Variants in IGSF3 observed in about 807,000 individuals in gnomAD.
IGSF3 encodes glu-Trp-Ile EWI motif-containing protein 3.
In IGSF3, 23 loss-of-function variants were observed where a neutral mutation model predicts 114.4. The ratio of observed to expected loss-of-function variants is 0.20; its 90% CI spans 0.14 to 0.28. IGSF3 has a LOEUF of 0.28. IGSF3 is among the 10% of genes least tolerant of loss of function. The pLI, the probability that IGSF3 is intolerant of heterozygous loss-of-function variation, is 1.00. For missense variants in IGSF3, 1,172 were observed against 1,591.5 expected (o/e 0.74, Z 4.48); for synonymous variants, 571 against 645.2 (o/e 0.88, Z 1.74).
Position 116,600,465 on chromosome 1 carries a change from C to G in IGSF3, c.1625-120G>C, listed in dbSNP as rs2101430210. The G allele has an allele frequency of 2.7e-6, 2 of 754,184 alleles. No homozygotes were observed. The highest frequency in any genetic ancestry group is 5.1e-5 in the East Asian group (2 of 38,916). 46.7% of individuals were successfully genotyped at this position (754,184 alleles called of 1,614,324 possible). A position where few individuals can be genotyped will look rare whatever the true frequency, so the allele number is the denominator to read the frequency against. ...TGTGGGACAGAGGCTCTCGGAGCCC[C>G]TTTTGAGCTCTCAGGCTAGTGTTGC... On this transcript the variant is annotated intron_variant, in intron 6 of 10. Transcript: ENST00000369486. This position sits in a 1 kb window ranked among gnomAD's most constrained non-coding sequence, Gnocchi z 5.5.
intron 2 of IGSF3, among the ~76,000 whole-genome samples, chr1:116,635,159 A>C (rs1009754775): frequency 8.5e-5 from 13 of 152,198 alleles, no homozygotes; most frequent in Non-Finnish European, 1.6e-4. Context: ...ACCTGCTTCT[A>C]AACAGTAGAA....
At chr1:116,667,281 G>C (rs1390756402) in intron 1 of IGSF3, among the ~76,000 whole-genome samples, 1 of 152,190 alleles carries the variant, frequency 6.6e-6, no homozygotes, top group African/African-American at 2.4e-5. Flanking sequence ...CTCCGCGGTG[G>C]GGCCGCGACT....
At position 116,629,560 on chromosome 1, in the gene IGSF3, G is replaced by A. The variant is rs1291604385; in HGVS notation, c.44-13103C>T. 6.6e-6 allele frequency among the ~76,000 whole-genome samples: 1 copy of A among 152,128 alleles called. No individual in the cohort carries two copies. The highest frequency in any genetic ancestry group is 1.9e-4 in the East Asian group (1 of 5,186). On this transcript the variant is annotated intron_variant, in intron 2 of 10. Transcript: ENST00000369486. The surrounding 1 kb of genome is among the most constrained non-coding windows in gnomAD (Gnocchi z 4.3). ...TTCAGGTTGTGTAAGTGGAGAGGAG[G>A]GAGGTGGCCAAGGAGCCTGAAGTGG... is the stretch of plus-strand genomic sequence containing the variant.
At chr1:116,590,638 T>A in intron 7 of IGSF3, among the ~76,000 whole-genome samples, 1 of 152,228 alleles carries the variant, frequency 6.6e-6, no homozygotes, top group Middle Eastern at 3.4e-3. Flanking sequence ...CTGGTCAGAC[T>A]CTTGTCTCTT....
chr1:116,600,475 C>T lies in IGSF3; in HGVS notation c.1625-130G>A. ...AGGCTCTCGGAGCCCCTTTTGAGCT[C>T]TCAGGCTAGTGTTGCTTTTAGTATC... On this transcript the variant is annotated intron_variant, in intron 6 of 10. Transcript: ENST00000369486. This position sits in a 1 kb window ranked among gnomAD's most constrained non-coding sequence, Gnocchi z 5.5. 1.4e-6 allele frequency: 1 copy of T among 708,250 alleles called. No homozygotes were observed. Among genetic ancestry groups the T allele is most frequent in the Non-Finnish European group, 2.3e-6 (1 of 429,064 alleles). The allele number at this position is 708,250 out of a possible 1,614,324, so 43.9% of individuals were successfully genotyped here.
In IGSF3 at chr1:116,648,585, T is replaced by G. The variant is rs999634453; in HGVS notation, c.43+17699A>C. On this transcript the variant is annotated intron_variant, in intron 2 of 10. Coordinates refer to ENST00000369486, the MANE Select transcript of IGSF3 (RefSeq NM_001007237.3). The surrounding 1 kb of genome is among the most constrained non-coding windows in gnomAD (Gnocchi z 4.7). ...ACACCATGATTCAGCCAGGCAAGAT[T>G]GATGCAACACTGTAACAAAGCGTGT... 1.5e-4 allele frequency among the ~76,000 whole-genome samples: 23 copies of G among 152,202 alleles called. No homozygotes were observed. The highest frequency in any genetic ancestry group is 5.3e-4 in the African/African-American group (22 of 41,456).
rs1659929984 is a variant in IGSF3, at chr1:116,588,074, A to G, written c.2440+620T>C. On this transcript the variant is annotated intron_variant, in intron 8 of 10. Coordinates refer to ENST00000369486, the MANE Select transcript of IGSF3 (RefSeq NM_001007237.3). This position sits in a 1 kb window ranked among gnomAD's most constrained non-coding sequence, Gnocchi z 4.9. ...CAGGAAAGTGAACTTTTTAACAATCAGAGCTGCCCAAAAATGGAACTGAGG... is the reference window on the plus strand; with the variant it reads ...CAGGAAAGTGAACTTTTTAACAATCGGAGCTGCCCAAAAATGGAACTGAGG... 6.6e-6 allele frequency among the ~76,000 whole-genome samples: 1 copy of G among 152,358 alleles called. No individual in the cohort carries two copies. The highest frequency in any genetic ancestry group is 2.4e-5 in the African/African-American group (1 of 41,586).
In IGSF3 at chr1:116,624,233, A is replaced by G. The variant is rs1291150923; in HGVS notation, c.44-7776T>C. ...AAAAAAAAAAAATGGCTCTTGAAACAGCCATCAATTCCCATGTGATAAATG... is the reference window on the plus strand; with the variant it reads ...AAAAAAAAAAAATGGCTCTTGAAACGGCCATCAATTCCCATGTGATAAATG... On this transcript the variant is annotated intron_variant, in intron 2 of 10. Transcript: ENST00000369486. This position sits in a 1 kb window ranked among gnomAD's most constrained non-coding sequence, Gnocchi z 4.9. 1.3e-5 allele frequency among the ~76,000 whole-genome samples: 2 copies of G among 151,798 alleles called. No homozygotes were observed. The highest frequency in any genetic ancestry group is 4.8e-5 in the African/African-American group (2 of 41,308).
At position 116,618,545 on chromosome 1, in the gene IGSF3, A is replaced by G. The variant is rs1248696183; in HGVS notation, c.44-2088T>C. 6.6e-6 allele frequency among the ~76,000 whole-genome samples: 1 copy of G among 152,258 alleles called. No homozygotes were observed. The highest frequency in any genetic ancestry group is 6.5e-5 in the Admixed American group (1 of 15,286). ...GGGGAAATGACTGATATTCAGTAAC[A>G]GTGCTGGGACATTTCATTTTCCATA... On this transcript the variant is annotated intron_variant, in intron 2 of 10. Coordinates refer to ENST00000369486, the MANE Select transcript of IGSF3 (RefSeq NM_001007237.3). The surrounding 1 kb of genome is among the most constrained non-coding windows in gnomAD (Gnocchi z 4.7).
At position 116,616,371 on chromosome 1, in the gene IGSF3, C is replaced by G. The variant is rs772812398; in HGVS notation, c.130G>C (p.Val44Leu). 1.2e-6 allele frequency: 2 copies of G among 1,611,958 alleles called. No homozygotes were observed. The highest frequency in any genetic ancestry group is 3.3e-5 in the Admixed American group (2 of 60,028). ...TCAGAAGGTCCCTGGTAGCCACTCACATTGCACCAGATAGTGATGTGGGAG... is the reference window on the plus strand; with the variant it reads ...TCAGAAGGTCCCTGGTAGCCACTCAGATTGCACCAGATAGTGATGTGGGAG... ...EGSHITIWCN[V>L]SGYQGPSEQN... Residue 44 changes from valine (V) to leucine (L), a missense_variant, in exon 3 of 11, where the codon GTG (valine) becomes CTG (leucine). Physicochemically the swap from Val to Leu is conservative, Grantham distance 32. Transcript: ENST00000369486. This position sits in a 1 kb window ranked among gnomAD's most constrained non-coding sequence, Gnocchi z 6.6.
In IGSF3 at chr1:116,638,629, T is replaced by C. The variant is rs1487399663; in HGVS notation, c.44-22172A>G. ...AGGAGTCATTCACACCTAAAGGCTA[T>C]GCTTACATCGTTTTCCATCTCTTGT... On this transcript the variant is annotated intron_variant, in intron 2 of 10. Transcript: ENST00000369486. The surrounding 1 kb of genome is among the most constrained non-coding windows in gnomAD (Gnocchi z 4.1). 6.6e-6 allele frequency among the ~76,000 whole-genome samples: 1 copy of C among 152,186 alleles called. No homozygotes were observed.
chr1:116,603,945 G>A lies in IGSF3; in HGVS notation c.1303C>T (p.Arg435Cys), dbSNP rs776912571. Residue 435 changes from arginine to cysteine, a missense_variant, in exon 6 of 11, where the codon CGC (arginine) becomes TGC (cysteine). By Grantham distance (180) the Arg-to-Cys change is radical. Around this residue, in one of 3 missense-constraint regions of IGSF3, gnomAD observed 736 missense variants for 1,042.0 expected, o/e 0.71. Coordinates refer to ENST00000369486, the MANE Select transcript of IGSF3 (RefSeq NM_001007237.3). This position sits in a 1 kb window ranked among gnomAD's most constrained non-coding sequence, Gnocchi z 7.1. The stretch of plus-strand genomic sequence containing the variant: ...CGACCCTGCGGCCTGCCTGCCGTGC[G>A]GACACTGCAGGAGAAGCGCAGGTCC... ...GEDLRFSCSV[R>C]TAGRPQGRFS... The A allele has an allele frequency of 2.1e-5, 34 of 1,613,664 alleles. No homozygotes were observed. Among genetic ancestry groups the A allele is most frequent in the Non-Finnish European group, 2.7e-5 (32 of 1,180,012 alleles).
intron 7 of IGSF3, among the ~76,000 whole-genome samples, chr1:116,597,065 G>C (rs1660372933): frequency 6.6e-6 from 1 of 152,178 alleles, no homozygotes; most frequent in Non-Finnish European, 1.5e-5. Context: ...GCCTTTAAAA[G>C]GTCAAAGTCT....
intron 9 of IGSF3, among the ~76,000 whole-genome samples, chr1:116,581,645 T>C (rs541635232): frequency 6.6e-6 from 1 of 152,244 alleles, no homozygotes; most frequent in Non-Finnish European, 1.5e-5. Context: ...TGCACCCACC[T>C]CCTGCACCCA....
rs1268559067 is a variant in IGSF3, at chr1:116,589,795, CT to C, written c.2030-692del. On this transcript the variant is annotated intron_variant, in intron 7 of 10. Transcript: ENST00000369486. The surrounding 1 kb of genome is among the most constrained non-coding windows in gnomAD (Gnocchi z 5.7). Reference sequence around the variant, plus strand: ...CAGGGCAGGGATCAAACTCCTTCCACTCAATCAGCCAGTATTTACGGAGTGC... The same window carrying C: ...CAGGGCAGGGATCAAACTCCTTCCACCAATCAGCCAGTATTTACGGAGTGC... 2.6e-5 allele frequency among the ~76,000 whole-genome samples: 4 copies of C among 152,220 alleles called. No individual in the cohort carries two copies. Among genetic ancestry groups the C allele is most frequent in the Non-Finnish European group, 5.9e-5 (4 of 68,048 alleles).
Position 116,605,645 on chromosome 1 carries a change from C to T in IGSF3, c.1223-1620G>A, listed in dbSNP as rs1037983154. Among the ~76,000 whole-genome samples the T allele has an allele frequency of 1.3e-5, 2 of 152,110 alleles. No homozygotes were observed. Among genetic ancestry groups the T allele is most frequent in the African/African-American group, 2.4e-5 (1 of 41,426 alleles). ...GTGCAAAATGGAGATACTAATAGTG[C>T]CTACTTCTTAGGGCATGACATTGAG... is the stretch of plus-strand genomic sequence containing the variant. On this transcript the variant is annotated intron_variant, in intron 5 of 10. Transcript: ENST00000369486. The surrounding 1 kb of genome is among the most constrained non-coding windows in gnomAD (Gnocchi z 5.1).
At position 116,589,240 on chromosome 1, in the gene IGSF3, G is replaced by A. The variant is rs1453345741; in HGVS notation, c.2030-136C>T. On this transcript the variant is annotated intron_variant, in intron 7 of 10. Transcript: ENST00000369486. The surrounding 1 kb of genome is among the most constrained non-coding windows in gnomAD (Gnocchi z 5.7). ...CACCGACTGGCTTCAGTGTGAGGAAGGCAGCACGGAGCCCAGGCCACCGCT... is the reference window on the plus strand; with the variant it reads ...CACCGACTGGCTTCAGTGTGAGGAAAGCAGCACGGAGCCCAGGCCACCGCT... The A allele has an allele frequency of 4.4e-6, 3 of 678,248 alleles. No homozygotes were observed. The highest frequency in any genetic ancestry group is 7.5e-6 in the Non-Finnish European group (3 of 400,398). The allele number at this position is 678,248 out of a possible 1,614,324, so 42.0% of individuals were successfully genotyped here.
rs1242751716 is a variant in IGSF3, at chr1:116,598,328, A to G, written c.2029+1613T>C. Among the ~76,000 whole-genome samples, 1 of 152,054 alleles carries G rather than the reference A, an allele frequency of 6.6e-6. No homozygotes were observed. The highest frequency in any genetic ancestry group is 2.4e-5 in the African/African-American group (1 of 41,364). On this transcript the variant is annotated intron_variant, in intron 7 of 10. Transcript: ENST00000369486. The surrounding 1 kb of genome is among the most constrained non-coding windows in gnomAD (Gnocchi z 4.3). ...AATGCAGGCAAGTGGGTACCTCGACATTTTCCACAACAAGGGTTCACATAA... is the reference window on the plus strand; with the variant it reads ...AATGCAGGCAAGTGGGTACCTCGACGTTTTCCACAACAAGGGTTCACATAA...
At chr1:116,631,111 G>A (rs552315461) in intron 2 of IGSF3, among the ~76,000 whole-genome samples, 36 of 152,062 alleles carry the variant, frequency 2.4e-4, no homozygotes, top group African/African-American at 8.4e-4. Context: ...GAGGTCAGGA[G>A]ATCGAGACCA....
Sources: gnomAD v4.1 joint callset for allele counts (sites outside exome capture counted in the v4.1 genomes callset) on GRCh38, gnomAD v4.1.1 for gene constraint, gnomAD v4.1.1 regional missense constraint, Gnocchi (gnomAD v3.1) non-coding constraint, MANE v1.5 for transcripts, NCBI Gene and HGNC (gene_info 2026-07-23, HGNC 2026-07-21) for gene names.